PUM3: variants seen among roughly 807,000 people sequenced by gnomAD.
PUM3 encodes the protein pumilio RNA binding family member 3.
A neutral mutation model predicts 84.0 loss-of-function variants in PUM3; 91 were observed. That is an observed-to-expected ratio of 1.08 (90% CI 0.91 to 1.29). PUM3 has a LOEUF of 1.29. Among genes scored for constraint, PUM3 ranks in the 50% most tolerant of loss-of-function variants. PUM3 has a pLI of 0.00. For missense variants in PUM3, 1,067 were observed against 767.5 expected (o/e 1.39, Z -4.61); for synonymous variants, 321 against 266.7 (o/e 1.20, Z -1.98).
Position 2,830,965 on chromosome 9 carries a change from T to A in PUM3, c.674A>T (p.Tyr225Phe), listed in dbSNP as rs373954508. The change falls in exon 7 of 18, where the codon TAT (tyrosine) becomes TTT (phenylalanine). Residue 225 changes from tyrosine (Y) to phenylalanine (F), a missense_variant. By Grantham distance (22) the Tyr-to-Phe change is conservative. Coordinates refer to ENST00000397885, the MANE Select transcript of PUM3 (RefSeq NM_014878.5). The stretch of plus-strand genomic sequence containing the variant: ...TTTTATACATAAAACAACTTACCCA[T>A]ACATGAGAAATTTCTTAACAATATT... ...SRNIVKKFLMYGSKPQIAEII... is the reference protein window; with the variant it reads ...SRNIVKKFLMFGSKPQIAEII... 146 of 1,430,502 alleles carry A rather than the reference T, an allele frequency of 1.0e-4. No individual in the cohort carries two copies. The highest frequency in any genetic ancestry group is 1.8e-4 in the Middle Eastern group (1 of 5,690). 88.6% of individuals were successfully genotyped at this position (1,430,502 alleles called of 1,614,324 possible). A position where few individuals can be genotyped will look rare whatever the true frequency, so the allele number is the denominator to read the frequency against.
intron 13 of PUM3, among the ~76,000 whole-genome samples, chr9:2,816,678 G>A (rs1306161072): frequency 6.6e-6 from 1 of 152,076 alleles, no homozygotes; most frequent in African/African-American, 2.4e-5. Context: ...ACCTGGCCTG[G>A]CCACTCATTT....
chr9:2,842,225 C>T lies in PUM3; in HGVS notation c.-11+1820G>A, dbSNP rs368756787. 1.4e-4 allele frequency among the ~76,000 whole-genome samples: 22 copies of T among 152,278 alleles called. No homozygotes were observed. The East Asian group carries it at 1.7e-3, about 12-fold the overall frequency. ...ATTCGCCCCCCTTTTTCCTTTCCCT[C>T]TATTACCCCATTCAGGCTCCTGTTA... is the stretch of plus-strand genomic sequence containing the variant. On this transcript the variant is annotated intron_variant, in intron 1 of 17. Coordinates refer to ENST00000397885, the MANE Select transcript of PUM3 (RefSeq NM_014878.5).
rs953484357 is a variant in PUM3, at chr9:2,837,325, A to C, written c.159T>G (p.Phe53Leu). The C allele has an allele frequency of 1.3e-5, 21 of 1,614,050 alleles. No individual in the cohort carries two copies. The African/African-American group carries it at 1.9e-4, about 14-fold the overall frequency. Residue 53 changes from phenylalanine (F) to leucine (L), a missense_variant, in exon 3 of 18, where the codon TTT becomes TTG. Physicochemically the swap from Phe to Leu is conservative, Grantham distance 22 (BLOSUM62 0). Transcript: ENST00000397885. ...EGGPKVTSRN[F>L]EKSITKLGKK... ...TCCCAAGTTTTGTGATACTTTTCTC[A>C]AAGTTCCTAGATGTGACTTTAGGTC...
intron 12 of PUM3, 25 bp downstream of exon 12, chr9:2,823,755 AG>A (rs1223757232): frequency 9.2e-7 from 1 of 1,081,476 alleles, no homozygotes. Context: ...AAAAATAATT[AG>A]AATATGTAGT....
chr9:2,812,374 T>C lies in PUM3; in HGVS notation c.1270-12A>G, dbSNP rs187851746. The C allele has an allele frequency of 2.5e-4, 381 of 1,512,126 alleles. 11 individuals carry two copies. The Admixed American group carries it at 7.5e-3, about 30-fold the overall frequency. 93.7% of individuals were successfully genotyped at this position (1,512,126 alleles called of 1,614,324 possible). A position where few individuals can be genotyped will look rare whatever the true frequency, so the allele number is the denominator to read the frequency against. ...GAACTGATAATTTCCTATAAAATTATAAACAAAAAAAAAGAATCAATATCT... is the reference window on the plus strand; with the variant it reads ...GAACTGATAATTTCCTATAAAATTACAAACAAAAAAAAAGAATCAATATCT... On this transcript the variant is annotated splice_polypyrimidine_tract_variant and intron_variant, in intron 13 of 17. Transcript: ENST00000397885.
intron 8 of PUM3, among the ~76,000 whole-genome samples, chr9:2,829,429 G>A (rs1376854954): frequency 6.6e-6 from 1 of 152,216 alleles, no homozygotes; most frequent in African/African-American, 2.4e-5. Context: ...ATACACTTCA[G>A]CCAGAGCTGG....
intron 13 of PUM3, among the ~76,000 whole-genome samples, chr9:2,818,686 G>T (rs1821522845): frequency 6.6e-6 from 1 of 152,182 alleles, no homozygotes; most frequent in Non-Finnish European, 1.5e-5. Flanking sequence ...AAAATACTCA[G>T]TTTGTAACAT....
chr9:2,842,648 T>C (rs902119123), intron 1 of PUM3, among the ~76,000 whole-genome samples: 1 of 152,160 alleles, frequency 6.6e-6, no homozygotes, highest in Non-Finnish European at 1.5e-5. Context: ...GGTGGTCTCA[T>C]CCAATCTCCT....
At chr9:2,826,232 C>T (rs995161687) in intron 10 of PUM3, among the ~76,000 whole-genome samples, 4 of 152,066 alleles carry the variant, frequency 2.6e-5, no homozygotes, top group Admixed American at 6.5e-5. Context: ...TAAAAAGATA[C>T]TTTCTACCAC....
chr9:2,808,719 C>A (rs1368092770), intron 16 of PUM3, among the ~76,000 whole-genome samples: 1 of 152,156 alleles, frequency 6.6e-6, no homozygotes, highest in Non-Finnish European at 1.5e-5. Flanking sequence ...GCTAGTGAGG[C>A]AAATTGTTTT....
chr9:2,833,496 T>G (rs1816040436), intron 4 of PUM3, 64 bp from the exon 5 acceptor site: 1 of 870,784 alleles, frequency 1.1e-6, no homozygotes, highest in East Asian at 2.7e-5. Context: ...CACACAAAAT[T>G]AAAAACTGTA....
At chr9:2,820,772 GC>G (rs1295237083) in intron 12 of PUM3, among the ~76,000 whole-genome samples, 1 of 152,058 alleles carries the variant, frequency 6.6e-6, no homozygotes, top group African/African-American at 2.4e-5. Flanking sequence ...AAAAAGTATA[GC>G]TGCATGAGAT....
At chr9:2,817,724 A>T (rs1821500471) in intron 13 of PUM3, among the ~76,000 whole-genome samples, 1 of 152,236 alleles carries the variant, frequency 6.6e-6, no homozygotes, top group Non-Finnish European at 1.5e-5. Context: ...ATGGGTACAC[A>T]AAGGGCTTAA....
chr9:2,813,832 A>G (rs1329916263), intron 13 of PUM3, among the ~76,000 whole-genome samples: 2 of 152,156 alleles, frequency 1.3e-5, no homozygotes, highest in Non-Finnish European at 2.9e-5. Flanking sequence ...AAAGTATAGC[A>G]TGCTTCTGAT....
chr9:2,835,043 T>G (rs113601139), intron 3 of PUM3, among the ~76,000 whole-genome samples: 42 of 148,518 alleles, frequency 2.8e-4, no homozygotes, highest in African/African-American at 9.6e-4. Flanking sequence ...AGAAAAACCC[T>G]GTAAAACCAA....
chr9:2,807,516 A>G (rs982609757), intron 17 of PUM3, among the ~76,000 whole-genome samples: 2 of 148,492 alleles, frequency 1.3e-5, no homozygotes, highest in African/African-American at 5.0e-5. Context: ...GATGGGAGGA[A>G]AACTTGAGCC....
chr9:2,813,517 G>A (rs1311841233), intron 13 of PUM3, among the ~76,000 whole-genome samples: 2 of 152,238 alleles, frequency 1.3e-5, no homozygotes, highest in African/African-American at 2.4e-5. Context: ...GGGACTCACA[G>A]TGGCAGTGTC....
At chr9:2,816,677 G>A (rs958333962) in intron 13 of PUM3, among the ~76,000 whole-genome samples, 7 of 152,066 alleles carry the variant, frequency 4.6e-5, no homozygotes, top group Non-Finnish European at 8.8e-5. Flanking sequence ...CACCTGGCCT[G>A]GCCACTCATT....
chr9:2,810,266 T>A (rs1280090732), intron 16 of PUM3, 78 bp downstream of exon 16: 2 of 901,992 alleles, frequency 2.2e-6, no homozygotes, highest in Non-Finnish European at 3.6e-6. Flanking sequence ...CTTAAATGGC[T>A]GGTATAAAGT....
Sources: allele counts gnomAD v4.1 joint callset (sites outside exome capture counted in the v4.1 genomes callset), GRCh38; gene constraint gnomAD v4.1.1; transcripts MANE v1.5; gene names NCBI Gene and HGNC (gene_info 2026-07-23, HGNC 2026-07-21).